Variants in TMEM175 observed in about 807,000 individuals in gnomAD.
TMEM175 encodes the protein transmembrane protein 175.
In TMEM175, 36 loss-of-function variants were observed where a neutral mutation model predicts 36.5. That is an observed-to-expected ratio of 0.99 (90% CI 0.76 to 1.30). The LOEUF (loss-of-function observed/expected upper bound fraction) is 1.30, where lower values mean the gene tolerates loss of function less well. Among genes scored for constraint, TMEM175 ranks in the 50% most tolerant of loss-of-function variants. The pLI is 0.00. For synonymous variants in TMEM175, 339 were observed against 313.4 expected (o/e 1.08, Z -0.86); for missense variants, 705 against 692.8 (o/e 1.02, Z -0.20).
intron 1 of TMEM175, among the ~76,000 whole-genome samples, chr4:939,810 A>T (rs2152997260): frequency 1.3e-5 from 2 of 152,326 alleles, no homozygotes; most frequent in Middle Eastern, 6.8e-3. Flanking sequence ...TAAAACTATA[A>T]AACTCATGGA....
At chr4:953,073 C>A in intron 7 of TMEM175, 117 bp from the exon 8 acceptor site, 1 of 1,125,812 alleles carries the variant, frequency 8.9e-7, no homozygotes, top group Non-Finnish European at 1.2e-6. Flanking sequence ...AGCCCGGGGC[C>A]AGGTCCTCCC....
In TMEM175 at chr4:941,415, C is replaced by A. The variant is rs541882908; in HGVS notation, c.-31-6294C>A. 7.3e-3 allele frequency among the ~76,000 whole-genome samples: 1,067 copies of A among 145,914 alleles called. 12 individuals are homozygous for A. Among genetic ancestry groups the A allele is most frequent in the Non-Finnish European group, 0.012 (780 of 66,392 alleles). Reference sequence around the variant, plus strand: ...AAAAAAAGAAACAAAACAAAAAAAACTCTGTACTTTCTGCTCTATTTTTCT... The same window carrying A: ...AAAAAAAGAAACAAAACAAAAAAAAATCTGTACTTTCTGCTCTATTTTTCT... On this transcript the variant is annotated intron_variant, in intron 1 of 10. Transcript: ENST00000264771.
chr4:936,189 G>T (rs1263098844), intron 1 of TMEM175, among the ~76,000 whole-genome samples: 1 of 151,902 alleles, frequency 6.6e-6, no homozygotes, highest in African/African-American at 2.4e-5. Flanking sequence ...ACAAAAATTA[G>T]CTGGGTGTAG....
chr4:948,288 G>C, intron 3 of TMEM175, 134 bp downstream of exon 3: 1 of 1,576,904 alleles, frequency 6.3e-7, no homozygotes, highest in South Asian at 1.1e-5. Context: ...GCGGGAGGCG[G>C]GGGCCTCCTT....
intron 1 of TMEM175, among the ~76,000 whole-genome samples, chr4:939,774 A>G (rs899852754): frequency 3.3e-5 from 5 of 152,224 alleles, no homozygotes; most frequent in Admixed American, 1.3e-4. Context: ...AAGTTAACTC[A>G]AAATCATAAA....
chr4:941,376 CAAAAAAAA>C (rs567941043), intron 1 of TMEM175, among the ~76,000 whole-genome samples: 1 of 104,866 alleles, frequency 9.5e-6, no homozygotes, highest in Non-Finnish European at 1.9e-5. Context: ...AACTCTGTCT[CAAAAAAAA>C]AAAAAAAAAA....
rs1729587917 is a variant in TMEM175 at position 956,072 on chromosome 4, C to T, written c.842+182C>T. ...TCAGGGAGGACAACCTTCCCGGCGGCCCCTCCCTTCCCAGCGGCCCCTCCC... is the reference window on the plus strand; with the variant it reads ...TCAGGGAGGACAACCTTCCCGGCGGTCCCTCCCTTCCCAGCGGCCCCTCCC... On this transcript the variant is annotated intron_variant, in intron 10 of 10. Coordinates refer to ENST00000264771, the MANE Select transcript of TMEM175 (RefSeq NM_032326.4). 1.2e-5 allele frequency: 10 copies of T among 820,884 alleles called. No individual in the cohort carries two copies. In the South Asian group the frequency reaches 1.8e-4, roughly 15 times the overall value. 50.9% of individuals were successfully genotyped at this position (820,884 alleles called of 1,614,324 possible). A position where few individuals can be genotyped will look rare whatever the true frequency, so the allele number is the denominator to read the frequency against.
chr4:955,578 C>G, intron 9 of TMEM175, 95 bp downstream of exon 9: 1 of 1,469,916 alleles, frequency 6.8e-7, no homozygotes, highest in Admixed American at 1.9e-5. Context: ...GGGCCGAGGC[C>G]CGTGTGCGTG....
intron 8 of TMEM175, among the ~76,000 whole-genome samples, chr4:954,658 A>G (rs1729391239): frequency 6.6e-6 from 1 of 152,204 alleles, no homozygotes; most frequent in Admixed American, 6.5e-5. Flanking sequence ...GTGTGCCCAC[A>G]GTGAGTTTCT....
At position 947,690 on chromosome 4, in the gene TMEM175, G is replaced by A. The variant is rs1728352222; in HGVS notation, c.-31-19G>A. ...CAGGAGCGCCCCACAGGCACACTCA[G>A]ACCTGCCTTTCCTCCCAGGCTCCTG... On this transcript the variant is annotated intron_variant, in intron 1 of 10. Transcript: ENST00000264771. 6.4e-7 allele frequency: 1 copy of A among 1,562,948 alleles called. No individual in the cohort carries two copies. The highest frequency in any genetic ancestry group is 8.7e-7 in the Non-Finnish European group (1 of 1,154,192).
Position 955,945 on chromosome 4 carries a change from C to CCCTGGCGTCTCAT in TMEM175, c.842+61_842+73dup, listed in dbSNP as rs1302207597. On this transcript the variant is annotated intron_variant, in intron 10 of 10. Coordinates refer to ENST00000264771, the MANE Select transcript of TMEM175 (RefSeq NM_032326.4). The stretch of plus-strand genomic sequence containing the variant: ...ATCAGGTGGCCAATGTGTCTTGAGT[C>CCCTGGCGTCTCAT]CCTGGCGTCTCATCCTGGAAACCCC... 5.7e-6 allele frequency: 9 copies of CCCTGGCGTCTCAT among 1,587,416 alleles called. No individual in the cohort carries two copies. In the African/African-American group the frequency reaches 9.4e-5, roughly 17 times the overall value.
At chr4:948,018 G>T (rs530988179) in intron 2 of TMEM175, 98 bp from the exon 3 acceptor site, 1 of 1,611,398 alleles carries the variant, frequency 6.2e-7, no homozygotes, top group African/African-American at 1.3e-5. Context: ...GGCAGCTTAG[G>T]GGGGCCCAGC....
intron 8 of TMEM175, among the ~76,000 whole-genome samples, chr4:954,195 G>T (rs1173192080): frequency 1.3e-5 from 2 of 151,594 alleles, no homozygotes; most frequent in African/African-American, 4.9e-5. Context: ...CACCATGTTG[G>T]CCAGGCTGGT....
rs775936298 is a variant in TMEM175 at position 947,694 on chromosome 4, T to G, written c.-31-15T>G. ...AGCGCCCCACAGGCACACTCAGACC[T>G]GCCTTTCCTCCCAGGCTCCTGTAAC... is the stretch of plus-strand genomic sequence containing the variant. On this transcript the variant is annotated splice_polypyrimidine_tract_variant and intron_variant, in intron 1 of 10. Transcript: ENST00000264771. 6.4e-7 allele frequency: 1 copy of G among 1,565,084 alleles called. No individual in the cohort carries two copies. The highest frequency in any genetic ancestry group is 8.7e-7 in the Non-Finnish European group (1 of 1,155,064).
In TMEM175 at chr4:952,429, G is replaced by A; in HGVS notation, c.441G>A (p.Val147=). Residue 147 remains valine, a synonymous_variant, in exon 7 of 11, where the codon GTG becomes GTA. Transcript: ENST00000264771. ...PLGIFLFCVC[V]IAIGVVQALI... ...GCATCTTCTTGTTCTGTGTGTGTGT[G>A]ATCGCCATTGGGGTCGTGCAGGTAG... is the stretch of plus-strand genomic sequence containing the variant. 5 of 1,607,144 alleles carry A rather than the reference G, an allele frequency of 3.1e-6. No homozygotes were observed. Among genetic ancestry groups the A allele is most frequent in the Non-Finnish European group, 4.2e-6 (5 of 1,177,562 alleles).
At chr4:937,520 G>A (rs1490765721) in intron 1 of TMEM175, among the ~76,000 whole-genome samples, 5 of 152,154 alleles carry the variant, frequency 3.3e-5, no homozygotes, top group Non-Finnish European at 5.9e-5. Context: ...CTGAGACTGT[G>A]CCATTGCACT....
rs1711511948 is a variant in TMEM175, at chr4:958,255, T to C, written c.1274T>C (p.Leu425Pro). 4 of 1,606,240 alleles carry C rather than the reference T, an allele frequency of 2.5e-6. No homozygotes were observed. Among genetic ancestry groups the C allele is most frequent in the Non-Finnish European group, 2.5e-6 (3 of 1,179,238 alleles). The change falls in exon 11 of 11, where the codon CTG (leucine) becomes CCG (proline). Residue 425 changes from leucine to proline, a missense_variant. Coordinates refer to ENST00000264771, the MANE Select transcript of TMEM175 (RefSeq NM_032326.4). ...EHVLMFAKLA[L>P]YPCASLLAFA... Reference sequence around the variant, plus strand: ...GTGCTCATGTTCGCCAAGCTGGCGCTGTACCCCTGTGCCAGCCTGCTGGCC... The same window carrying C: ...GTGCTCATGTTCGCCAAGCTGGCGCCGTACCCCTGTGCCAGCCTGCTGGCC...
Position 932,519 on chromosome 4 carries a change from C to T in TMEM175, c.-53C>T, listed in dbSNP as rs1245148838. 4.3e-6 allele frequency: 2 copies of T among 460,258 alleles called. No homozygotes were observed. The highest frequency in any genetic ancestry group is 8.8e-5 in the Admixed American group (2 of 22,728). The allele number at this position is 460,258 out of a possible 1,614,324, so 28.5% of individuals were successfully genotyped here. A position where few individuals can be genotyped will look rare whatever the true frequency, so the allele number is the denominator to read the frequency against. On this transcript the variant is annotated 5_prime_UTR_variant, in exon 1 of 11. Coordinates refer to ENST00000264771, the MANE Select transcript of TMEM175 (RefSeq NM_032326.4). This position sits in a 1 kb window ranked among gnomAD's most constrained non-coding sequence, Gnocchi z 4.0. ...CTCAAGCGGAGGCGCGCGGAACAGT[C>T]GCCGAGGCGATTCCCGCCCAGGTAG...
chr4:957,806 T>C lies in TMEM175; in HGVS notation c.843-18T>C, dbSNP rs1234531143. On this transcript the variant is annotated intron_variant, in intron 10 of 10. Transcript: ENST00000264771. ...CCACGGCAAGGCCGGCACAAATGCATCTATTCACTGTTCTCAGCGAAGACA... is the reference window on the plus strand; with the variant it reads ...CCACGGCAAGGCCGGCACAAATGCACCTATTCACTGTTCTCAGCGAAGACA... 4 of 1,584,706 alleles carry C rather than the reference T, an allele frequency of 2.5e-6. No homozygotes were observed. In the East Asian group the frequency reaches 6.7e-5, roughly 27 times the overall value.
Sources: allele counts gnomAD v4.1 joint callset (sites outside exome capture counted in the v4.1 genomes callset), GRCh38; gene constraint gnomAD v4.1.1; non-coding constraint Gnocchi (gnomAD v3.1); transcripts MANE v1.5; gene names NCBI Gene and HGNC (gene_info 2026-07-23, HGNC 2026-07-21).